The following LRRIQ4 variants were observed in gnomAD, a reference collection of about 807,000 sequenced individuals.
LRRIQ4 encodes the protein leucine-rich repeat and IQ domain-containing protein 4.
LRRIQ4 carries 21 observed loss-of-function variants against 40.1 expected under a neutral mutation model. The ratio of observed to expected loss-of-function variants is 0.52; its 90% CI spans 0.37 to 0.75. The LOEUF is 0.75. Among genes scored for constraint, LRRIQ4 ranks in the 30% least tolerant of loss-of-function variants. The pLI, the probability that LRRIQ4 is intolerant of heterozygous loss-of-function variation, is 0.00. For missense variants in LRRIQ4, 655 were observed against 660.0 expected (o/e 0.99, Z 0.08); for synonymous variants, 277 against 277.1 (o/e 1.00, Z 0.00).
intron 1 of LRRIQ4, among the ~76,000 whole-genome samples, chr3:169,817,064 G>A (rs1779784555): frequency 6.6e-6 from 1 of 151,996 alleles, no homozygotes; most frequent in Non-Finnish European, 1.5e-5. Flanking sequence ...TTTTGATGTA[G>A]GCACTTATTG....
At chr3:169,814,842 T>C (rs1371094112) in intron 1 of LRRIQ4, among the ~76,000 whole-genome samples, 1 of 152,178 alleles carries the variant, frequency 6.6e-6, no homozygotes, top group East Asian at 1.9e-4. Context: ...TGTAGTTTCA[T>C]TCTTCTGCAT....
Position 169,820,535 on chromosome 3 carries a change from C to CTTTT in LRRIQ4, c.-31-1340_-31-1337dup, listed in dbSNP as rs34109206. Among the ~76,000 whole-genome samples, 873 of 123,582 alleles carry CTTTT rather than the reference C, an allele frequency of 7.1e-3. 19 individuals are homozygous for CTTTT. Among genetic ancestry groups the CTTTT allele is most frequent in the African/African-American group, 0.025 (823 of 33,172 alleles). The allele number at this position is 123,582 out of a possible 152,430, so 81.1% of individuals were successfully genotyped here. ...GATCCAATTAGGGGAATATTGACAT[C>CTTTT]TTTTTTTTTTTTTTTTTTTGAGACG... is the stretch of plus-strand genomic sequence containing the variant. On this transcript the variant is annotated intron_variant, in intron 1 of 5. Transcript: ENST00000340806.
Position 169,822,184 on chromosome 3 carries a change from C to G in LRRIQ4, c.263C>G (p.Pro88Arg), listed in dbSNP as rs371657729. ...LDKNNLRSLCPALGLLSSLES... is the reference protein window; with the variant it reads ...LDKNNLRSLCRALGLLSSLES... ...AAGAACAACCTGAGGAGCCTGTGCC[C>G]GGCGCTGGGGCTGCTGAGCAGCCTG... is the stretch of plus-strand genomic sequence containing the variant. The change falls in exon 2 of 6, where the codon CCG becomes CGG. Residue 88 changes from proline (P) to arginine (R), a missense_variant. Coordinates refer to ENST00000340806, the MANE Select transcript of LRRIQ4 (RefSeq NM_001080460.3). The G allele has an allele frequency of 6.2e-7, 1 of 1,606,962 alleles. No homozygotes were observed. Among genetic ancestry groups the G allele is most frequent in the Non-Finnish European group, 8.5e-7 (1 of 1,178,058 alleles).
In LRRIQ4 at chr3:169,837,635, T is replaced by C. The variant is rs1423871477; in HGVS notation, c.*4T>C. 6.4e-6 allele frequency: 10 copies of C among 1,561,036 alleles called. No homozygotes were observed. The highest frequency in any genetic ancestry group is 8.7e-6 in the Non-Finnish European group (10 of 1,155,754). On this transcript the variant is annotated 3_prime_UTR_variant, in exon 6 of 6. Transcript: ENST00000340806. Reference sequence around the variant, plus strand: ...AGGAAAGGGAAAAAAGAAATAATCCTGTAAATTGATAAATTGGGGTAATGG... The same window carrying C: ...AGGAAAGGGAAAAAAGAAATAATCCCGTAAATTGATAAATTGGGGTAATGG...
intron 3 of LRRIQ4, among the ~76,000 whole-genome samples, chr3:169,829,418 C>A (rs1780112795): frequency 6.6e-6 from 1 of 151,800 alleles, no homozygotes; most frequent in African/African-American, 2.4e-5. Context: ...GGAATACTTG[C>A]AAAGCAACAG....
intron 1 of LRRIQ4, among the ~76,000 whole-genome samples, chr3:169,817,748 C>G (rs868497629): frequency 6.6e-6 from 1 of 152,082 alleles, no homozygotes; most frequent in African/African-American, 2.4e-5. Flanking sequence ...TGTATAGCTA[C>G]TCCTGCTCTT....
At chr3:169,832,039 G>A (rs1780191132) in intron 4 of LRRIQ4, among the ~76,000 whole-genome samples, 1 of 151,776 alleles carries the variant, frequency 6.6e-6, no homozygotes, top group South Asian at 2.1e-4. Flanking sequence ...GTAATCCTTA[G>A]TAATGCTCCT....
intron 4 of LRRIQ4, 150 bp downstream of exon 4, chr3:169,830,780 A>G: frequency 1.1e-6 from 1 of 912,914 alleles, no homozygotes; most frequent in Non-Finnish European, 1.6e-6. Context: ...ACTTAGCGAC[A>G]TGGGGGAGGC....
rs1409815890 is a variant in LRRIQ4 at position 169,827,634 on chromosome 3, A to AT, written c.1021-1118dup. Among the ~76,000 whole-genome samples the AT allele has an allele frequency of 5.8e-3, 828 of 141,864 alleles. 5 individuals carry two copies. The highest frequency in any genetic ancestry group is 0.02 in the African/African-American group (756 of 38,104). The allele number at this position is 141,864 out of a possible 152,430, so 93.1% of individuals were successfully genotyped here. On this transcript the variant is annotated intron_variant, in intron 2 of 5. Coordinates refer to ENST00000340806, the MANE Select transcript of LRRIQ4 (RefSeq NM_001080460.3). ...AAAAAAAAAAAAAAAAAAAAAAGAG[A>AT]TTTTTTTCCCATGTGGTCTCCCATG...
chr3:169,830,674 C>T, intron 4 of LRRIQ4, 44 bp downstream of exon 4: 1 of 1,611,490 alleles, frequency 6.2e-7, no homozygotes, highest in South Asian at 1.1e-5. Flanking sequence ...AGTTTGTGGC[C>T]AGCATTTCCT....
intron 1 of LRRIQ4, among the ~76,000 whole-genome samples, chr3:169,814,860 T>A (rs1298574996): frequency 6.6e-6 from 1 of 152,206 alleles, no homozygotes; most frequent in Non-Finnish European, 1.5e-5. Context: ...CATATGGATA[T>A]CCAGTTTTCC....
chr3:169,819,096 C>T (rs980096289), intron 1 of LRRIQ4, among the ~76,000 whole-genome samples: 15 of 152,126 alleles, frequency 9.9e-5, no homozygotes, highest in Non-Finnish European at 2.9e-5. Flanking sequence ...AATCACCCGA[C>T]CATAATATTG....
Position 169,822,539 on chromosome 3 carries a change from G to A in LRRIQ4, c.618G>A (p.Glu206=), listed in dbSNP as rs1779928035. ...ACAAAATAGGTGCCATCCCAGAAGA[G>A]ATCGGACACCTGACGGGGCTGCAGA... is the stretch of plus-strand genomic sequence containing the variant. ...DENKIGAIPE[E]IGHLTGLQKF... Residue 206 remains glutamate, a synonymous_variant, in exon 2 of 6, where the codon GAG becomes GAA. Transcript: ENST00000340806. 1.2e-6 allele frequency: 2 copies of A among 1,613,840 alleles called. No individual in the cohort carries two copies. Among genetic ancestry groups the A allele is most frequent in the Non-Finnish European group, 1.7e-6 (2 of 1,179,880 alleles).
chr3:169,831,952 C>T (rs1455825160), intron 4 of LRRIQ4, among the ~76,000 whole-genome samples: 1 of 142,580 alleles, frequency 7.0e-6, no homozygotes, highest in Non-Finnish European at 1.5e-5. Context: ...GTTAACAGGG[C>T]AAGACTCCGT....
At position 169,822,833 on chromosome 3, in the gene LRRIQ4, C is replaced by T; in HGVS notation, c.912C>T (p.Asn304=). 6.2e-7 allele frequency: 1 copy of T among 1,613,462 alleles called. No individual in the cohort carries two copies. Among genetic ancestry groups the T allele is most frequent in the Non-Finnish European group, 8.5e-7 (1 of 1,179,644 alleles). Residue 304 remains asparagine, a synonymous_variant, in exon 2 of 6, where the codon AAC becomes AAT. Transcript: ENST00000340806. ...GGGGCTCCTTCAGGTGCCTGGTCAA[C>T]TTGCGCTTCCTGGACCTAAGCCAGA... is the stretch of plus-strand genomic sequence containing the variant. ...RLRGSFRCLV[N]LRFLDLSQNH... is the part of the protein sequence containing the mutation.
At position 169,833,058 on chromosome 3, in the gene LRRIQ4, C is replaced by T; in HGVS notation, c.1405C>T (p.Leu469Phe). ...LPENLDSLVN[L>F]KVLTLMDNPM... Reference sequence around the variant, plus strand: ...AGAGAATTTGGATTCCCTAGTGAATCTTAAGGTTCTGACACTGATGGACAA... The same window carrying T: ...AGAGAATTTGGATTCCCTAGTGAATTTTAAGGTTCTGACACTGATGGACAA... The change falls in exon 5 of 6, where the codon CTT (leucine) becomes TTT (phenylalanine). Residue 469 changes from leucine (L) to phenylalanine (F), a missense_variant. Leu to Phe is a conservative substitution (Grantham distance 22). Transcript: ENST00000340806. The T allele has an allele frequency of 6.2e-7, 1 of 1,613,966 alleles. No individual in the cohort carries two copies. Among genetic ancestry groups the T allele is most frequent in the East Asian group, 2.2e-5 (1 of 44,880 alleles).
intron 3 of LRRIQ4, 70 bp from the exon 4 acceptor site, chr3:169,830,422 C>A: frequency 1.8e-6 from 1 of 543,232 alleles, no homozygotes; most frequent in Non-Finnish European, 2.6e-6. Context: ...CATGAGCACC[C>A]ACAGGTGATT....
chr3:169,824,542 T>C (rs1779996736), intron 2 of LRRIQ4, among the ~76,000 whole-genome samples: 1 of 152,170 alleles, frequency 6.6e-6, no homozygotes, highest in African/African-American at 2.4e-5. Context: ...GGAGTCTCAC[T>C]CACTCTGTCA....
chr3:169,830,943 C>T (rs931587777), intron 4 of LRRIQ4, among the ~76,000 whole-genome samples: 1 of 152,126 alleles, frequency 6.6e-6, no homozygotes, highest in Non-Finnish European at 1.5e-5. Flanking sequence ...TTACTACATG[C>T]CAGAATTTGG....
Sources: gnomAD v4.1 joint callset for allele counts (sites outside exome capture counted in the v4.1 genomes callset) on GRCh38, gnomAD v4.1.1 for gene constraint, MANE v1.5 for transcripts, NCBI Gene and HGNC (gene_info 2026-07-23, HGNC 2026-07-21) for gene names.